EGF: variants seen among roughly 807,000 people sequenced by gnomAD.
EGF encodes the protein epidermal growth factor.
Under a neutral mutation model 143.8 loss-of-function variants are expected in EGF, and 95 were observed. The ratio of observed to expected loss-of-function variants is 0.66; its 90% CI spans 0.56 to 0.78. EGF has a LOEUF of 0.78. EGF is among the 30% of genes least tolerant of loss of function. EGF has a pLI of 0.00. For synonymous variants in EGF, 510 were observed against 510.5 expected, an observed-to-expected ratio of 1.00 and a Z score of 0.01; for missense variants, 1,320 against 1,470.9, an observed-to-expected ratio of 0.90 and a Z score of 1.68.
chr4:109,959,615 T>C (rs1023404273), intron 6 of EGF, among the ~76,000 whole-genome samples, 178 bp downstream of exon 6: 6 of 152,218 alleles, frequency 3.9e-5, no homozygotes, highest in Non-Finnish European at 4.4e-5. Flanking sequence ...TATTTATTTT[T>C]TCTTGTTTGT....
chr4:109,994,808 T>C lies in EGF; in HGVS notation c.2933T>C (p.Leu978Pro). The C allele has an allele frequency of 1.2e-6, 2 of 1,614,188 alleles. No individual in the cohort carries two copies. Among genetic ancestry groups the C allele is most frequent in the East Asian group, 2.2e-5 (1 of 44,888 alleles). The stretch of plus-strand genomic sequence containing the variant: ...AGAAATAGTGACTCTGAATGTCCCC[T>C]GTCCCACGATGGGTACTGCCTCCAT... ...SVRNSDSECP[L>P]SHDGYCLHDG... Residue 978 changes from leucine to proline, a missense_variant, in exon 20 of 24, where the codon CTG (leucine) becomes CCG (proline). Leu to Pro is a moderately conservative substitution (Grantham distance 98). Around this residue, in one of 5 missense-constraint regions of EGF, gnomAD observed 1,186 missense variants for 1,313.7 expected, o/e 0.90. Transcript: ENST00000265171.
intron 22 of EGF, 147 bp downstream of exon 22, chr4:110,004,769 G>A: frequency 2.1e-6 from 1 of 468,446 alleles, no homozygotes; most frequent in South Asian, 2.6e-5. Context: ...CATCAGCTAG[G>A]GAGGTCCTGG....
Position 109,983,545 on chromosome 4 carries a change from T to C in EGF, c.2491+4T>C. The C allele has an allele frequency of 6.2e-7, 1 of 1,613,562 alleles. No homozygotes were observed. The highest frequency in any genetic ancestry group is 1.7e-5 in the Admixed American group (1 of 60,006). On this transcript the variant is annotated splice_donor_region_variant and intron_variant, in intron 16 of 23. Transcript: ENST00000265171. ...GTGGCTGAAATCATGGTGTCAGGTATGAATAACTAGTTCTCCAATATACCT... is the reference window on the plus strand; with the variant it reads ...GTGGCTGAAATCATGGTGTCAGGTACGAATAACTAGTTCTCCAATATACCT...
chr4:109,919,287 G>GTCTCTGTC (rs1386464228), intron 1 of EGF, among the ~76,000 whole-genome samples: 5 of 75,908 alleles, frequency 6.6e-5, no homozygotes, highest in African/African-American at 2.4e-4. Context: ...ATGCTTCTCT[G>GTCTCTGTC]TCTCTCTCTC....
intron 20 of EGF, 133 bp from the exon 21 acceptor site, chr4:109,999,546 G>A: frequency 8.7e-7 from 1 of 1,155,460 alleles, no homozygotes; most frequent in South Asian, 1.3e-5. Flanking sequence ...GACCCCTGAT[G>A]GATTTTCTAT....
intron 10 of EGF, among the ~76,000 whole-genome samples, 171 bp downstream of exon 10, chr4:109,964,708 C>A (rs774279510): frequency 2.0e-5 from 3 of 152,172 alleles, no homozygotes; most frequent in Admixed American, 6.5e-5. Context: ...ATTTTAAGGA[C>A]TTTTTTGCCA....
At chr4:110,008,359 G>C in intron 23 of EGF, 129 bp downstream of exon 23, 54 of 1,133,416 alleles carry the variant, frequency 4.8e-5, no homozygotes, top group Middle Eastern at 2.4e-4. Context: ...TAAGCTATGT[G>C]AATAGCTGGG....
chr4:109,923,825 TG>T (rs1738197331), intron 1 of EGF, among the ~76,000 whole-genome samples: 1 of 151,438 alleles, frequency 6.6e-6, no homozygotes. Flanking sequence ...TTCGCCATGT[TG>T]CCCAGGCTGG....
intron 22 of EGF, among the ~76,000 whole-genome samples, chr4:110,006,207 T>G (rs1753271397): frequency 6.6e-6 from 1 of 151,254 alleles, no homozygotes; most frequent in Non-Finnish European, 1.5e-5. Context: ...TTGCTGGGTG[T>G]GGTGGTACAC....
At chr4:109,988,419 C>A (rs1560742980) in intron 17 of EGF, among the ~76,000 whole-genome samples, 165 bp from the exon 18 acceptor site, 1 of 152,166 alleles carries the variant, frequency 6.6e-6, no homozygotes, top group South Asian at 2.1e-4. Context: ...TCAGCAGTAA[C>A]TTGTGAACTT....
intron 1 of EGF, among the ~76,000 whole-genome samples, chr4:109,926,480 G>A (rs200744062): frequency 2.0e-5 from 3 of 150,234 alleles, no homozygotes; most frequent in Admixed American, 1.3e-4. Flanking sequence ...TCAGCCTCCC[G>A]AGTAGCTGGG....
chr4:109,980,221 G>T lies in EGF; in HGVS notation c.2221+82G>T, dbSNP rs567093944. 3.7e-5 allele frequency: 52 copies of T among 1,396,430 alleles called. No homozygotes were observed. The South Asian group carries it at 7.0e-4, about 19-fold the overall frequency. 86.5% of individuals were successfully genotyped at this position (1,396,430 alleles called of 1,614,324 possible). A position where few individuals can be genotyped will look rare whatever the true frequency, so the allele number is the denominator to read the frequency against. On this transcript the variant is annotated intron_variant, in intron 14 of 23. Transcript: ENST00000265171. ...ATTGTTTGATGTCATGCAGTTGGCG[G>T]GGGGGTGGAGGGGATTTTGTAACTT...
At chr4:109,970,668 T>C (rs891239033) in intron 11 of EGF, among the ~76,000 whole-genome samples, 3 of 151,814 alleles carry the variant, frequency 2.0e-5, no homozygotes, top group African/African-American at 7.3e-5. Context: ...CTACTAAAAA[T>C]ACAAAAAATT....
chr4:109,954,470 T>C (rs1027043950), intron 5 of EGF, among the ~76,000 whole-genome samples: 1 of 152,236 alleles, frequency 6.6e-6, no homozygotes, highest in Non-Finnish European at 1.5e-5. Flanking sequence ...TTTTTTTCTT[T>C]TTTTACTGTA....
At position 109,980,144 on chromosome 4, in the gene EGF, A is replaced by C; in HGVS notation, c.2221+5A>C. 6.3e-7 allele frequency: 1 copy of C among 1,599,216 alleles called. No homozygotes were observed. The highest frequency in any genetic ancestry group is 8.5e-7 in the Non-Finnish European group (1 of 1,172,022). On this transcript the variant is annotated splice_donor_5th_base_variant and intron_variant, in intron 14 of 23. Transcript: ENST00000265171. ...TTCATCCATTGGCAAAACCAGGTACATACTGGAGATGTTACACAGTCTTTC... is the reference window on the plus strand; with the variant it reads ...TTCATCCATTGGCAAAACCAGGTACCTACTGGAGATGTTACACAGTCTTTC...
At chr4:109,975,626 A>G (rs191164886) in intron 12 of EGF, among the ~76,000 whole-genome samples, 1 of 152,360 alleles carries the variant, frequency 6.6e-6, no homozygotes. Flanking sequence ...TGAATTTTAC[A>G]TATGCATAAC....
rs140185810 is a variant in EGF, at chr4:109,948,068, G to A, written c.940+2793G>A. Among the ~76,000 whole-genome samples, 40 of 152,280 alleles carry A rather than the reference G, an allele frequency of 2.6e-4. No homozygotes were observed. In the East Asian group the frequency reaches 7.5e-3, roughly 29 times the overall value. ...CTTCTGTGACAGGAAGTTCAAATAG[G>A]ATAACTGAAAGCATGAATTTCGGAA... On this transcript the variant is annotated intron_variant, in intron 5 of 23. Transcript: ENST00000265171.
intron 1 of EGF, among the ~76,000 whole-genome samples, chr4:109,930,738 G>A (rs1205034934): frequency 6.6e-6 from 1 of 152,222 alleles, no homozygotes; most frequent in East Asian, 1.9e-4. Flanking sequence ...GGATGAAGGG[G>A]TGTGTGTTAT....
intron 17 of EGF, 36 bp downstream of exon 17, chr4:109,987,896 T>C (rs767991672): frequency 1.3e-6 from 2 of 1,503,182 alleles, no homozygotes; most frequent in Admixed American, 1.7e-5. Context: ...ATTTGGACAA[T>C]ACTGAACCAG....
Sources: allele counts gnomAD v4.1 joint callset (sites outside exome capture counted in the v4.1 genomes callset), GRCh38; gene constraint gnomAD v4.1.1; regional missense constraint gnomAD v4.1.1; transcripts MANE v1.5; gene names NCBI Gene and HGNC (gene_info 2026-07-23, HGNC 2026-07-21).